The following GRHL1 variants were observed in gnomAD, a reference collection of about 807,000 sequenced individuals.
The protein encoded by GRHL1 is grainyhead-like protein 1 homolog.
GRHL1 carries 38 observed loss-of-function variants against 75.7 expected under a neutral mutation model. The ratio of observed to expected loss-of-function variants is 0.50; its 90% CI spans 0.39 to 0.66. GRHL1 has a LOEUF of 0.66. Among genes scored for constraint, GRHL1 ranks in the 30% least tolerant of loss-of-function variants. The probability of loss-of-function intolerance (pLI) is 0.00; values close to 1 mark genes in which losing one functional copy is unlikely to be tolerated. For synonymous variants in GRHL1, 266 were observed against 279.4 expected (o/e 0.95, Z 0.48); for missense variants, 589 against 767.5 (o/e 0.77, Z 2.75).
rs1395003546 is a variant in GRHL1, at chr2:9,992,398, C to G, written c.1461+252C>G. The stretch of plus-strand genomic sequence containing the variant: ...TTCATTCATTCATTCGTTCGTTCTT[C>G]ATACCTACATATCCTAGCTCATTTA... On this transcript the variant is annotated intron_variant, in intron 11 of 15. Transcript: ENST00000324907. The surrounding 1 kb of genome is among the most constrained non-coding windows in gnomAD (Gnocchi z 4.6). Among the ~76,000 whole-genome samples the G allele has an allele frequency of 2.0e-5, 3 of 152,336 alleles. No individual in the cohort carries two copies. The highest frequency in any genetic ancestry group is 3.4e-3 in the Middle Eastern group (1 of 294).
At chr2:9,955,822 C>T (rs1328042168) in intron 2 of GRHL1, among the ~76,000 whole-genome samples, 1 of 152,246 alleles carries the variant, frequency 6.6e-6, no homozygotes, top group Non-Finnish European at 1.5e-5. Flanking sequence ...TCTAATGCAG[C>T]GTGCATACCG....
At chr2:9,980,616 C>T (rs564461072) in intron 8 of GRHL1, among the ~76,000 whole-genome samples, 2 of 152,274 alleles carry the variant, frequency 1.3e-5, no homozygotes, top group Admixed American at 6.5e-5. Context: ...AGTAGTTGCT[C>T]ATCTTTTGAG....
In GRHL1 at chr2:9,965,322, A is replaced by T; in HGVS notation, c.1051A>T (p.Ile351Phe). Residue 351 changes from isoleucine (I) to phenylalanine (F), a missense_variant, in exon 8 of 16, where the codon ATC becomes TTC. Ile to Phe is a conservative substitution (Grantham distance 21, BLOSUM62 0). This residue lies in a region of GRHL1 where 362 missense variants were observed against 461.8 expected (regional missense o/e 0.78). Coordinates refer to ENST00000324907, the MANE Select transcript of GRHL1 (RefSeq NM_198182.3). ...YKESFNTISN[I>F]EEIAYNAISF... ...AGAAAGCTTCAACACTATCAGTAAC[A>T]TCGAGGAGATTGCGTATAACGCCAT... 4 of 1,611,550 alleles carry T rather than the reference A, an allele frequency of 2.5e-6. No homozygotes were observed. Among genetic ancestry groups the T allele is most frequent in the Non-Finnish European group, 3.4e-6 (4 of 1,177,636 alleles).
intron 8 of GRHL1, among the ~76,000 whole-genome samples, chr2:9,969,260 G>A (rs370472737): frequency 6.6e-6 from 1 of 152,208 alleles, no homozygotes; most frequent in African/African-American, 2.4e-5. Context: ...TTGAATGCCT[G>A]TTATATGCTA....
intron 8 of GRHL1, among the ~76,000 whole-genome samples, 158 bp from the exon 9 acceptor site, chr2:9,985,964 CCT>C (rs2125235989): frequency 6.6e-6 from 1 of 152,248 alleles, no homozygotes; most frequent in East Asian, 1.9e-4. Flanking sequence ...AAAATAAACC[CCT>C]GATCACCTCT....
Position 9,998,481 on chromosome 2 carries a change from C to CGT in GRHL1, c.1678-484_1678-483insGT, listed in dbSNP as rs1553306830. On this transcript the variant is annotated intron_variant, in intron 14 of 15. Transcript: ENST00000324907. ...ATACATATATATACGTATATATATA[C>CGT]ATATATATACGTATATATACATATA... Among the ~76,000 whole-genome samples the CGT allele has an allele frequency of 5.9e-3, 21 of 3,556 alleles. 1 individual carries two copies. Among genetic ancestry groups the CGT allele is most frequent in the Non-Finnish European group, 7.8e-3 (17 of 2,174 alleles). 2.3% of individuals were successfully genotyped at this position (3,556 alleles called of 152,430 possible).
At chr2:9,977,970 C>T (rs1558304936) in intron 8 of GRHL1, among the ~76,000 whole-genome samples, 1 of 152,194 alleles carries the variant, frequency 6.6e-6, no homozygotes, top group Non-Finnish European at 1.5e-5. Context: ...AAGCCACGTC[C>T]TCCATGGCGG....
intron 2 of GRHL1, among the ~76,000 whole-genome samples, chr2:9,958,559 G>A (rs1667137030): frequency 6.6e-6 from 1 of 151,946 alleles, no homozygotes; most frequent in Admixed American, 6.6e-5. Context: ...AGTTTATTTG[G>A]CAACTCAATA....
rs1166078272 is a variant in GRHL1 at position 9,992,660 on chromosome 2, G to A, written c.1461+514G>A. ...CCTGTTTTGTGGCAAAGGCTTACAA[G>A]GGATAGAAACTTCAGTAGAATGAAG... is the stretch of plus-strand genomic sequence containing the variant. On this transcript the variant is annotated intron_variant, in intron 11 of 15. Transcript: ENST00000324907. This position sits in a 1 kb window ranked among gnomAD's most constrained non-coding sequence, Gnocchi z 4.6. Among the ~76,000 whole-genome samples, 4 of 152,182 alleles carry A rather than the reference G, an allele frequency of 2.6e-5. No homozygotes were observed. The highest frequency in any genetic ancestry group is 9.7e-5 in the African/African-American group (4 of 41,442).
In GRHL1 at chr2:9,961,064, G is replaced by A; in HGVS notation, c.297G>A (p.Val99=). Residue 99 remains valine, a synonymous_variant, in exon 4 of 16, where the codon GTG becomes GTA. Transcript: ENST00000324907. The part of the protein sequence containing the change: ...DHSKRNSIPI[V]TEQPLISAGE... ...CTTAAAGAAACAGCATACCAATTGT[G>A]ACAGAGCAGCCCCTCATCTCTGCTG... 1 of 1,549,788 alleles carries A rather than the reference G, an allele frequency of 6.5e-7. No homozygotes were observed. Among genetic ancestry groups the A allele is most frequent in the Middle Eastern group, 1.7e-4 (1 of 5,984 alleles).
In GRHL1 at chr2:9,963,998, G is replaced by T. The variant is rs757358139; in HGVS notation, c.859G>T (p.Val287Leu). 2.5e-6 allele frequency: 4 copies of T among 1,613,862 alleles called. No individual in the cohort carries two copies. Among genetic ancestry groups the T allele is most frequent in the Non-Finnish European group, 1.7e-6 (2 of 1,179,810 alleles). The change falls in exon 6 of 16, where the codon GTG becomes TTG. Residue 287 changes from valine to leucine, a missense_variant. Val to Leu is a conservative substitution (Grantham distance 32). Around this residue, in one of 5 missense-constraint regions of GRHL1, gnomAD observed 362 missense variants for 461.8 expected, o/e 0.78. Transcript: ENST00000324907. ...GTTCTATCCCATCACCTTGAAGGAG[G>T]TGAGCAGCAGTGAAGGAATCCATCA... The part of the protein sequence containing the change: ...GQFYPITLKE[V>L]SSSEGIHHPI...
chr2:9,976,936 T>C (rs1667971224), intron 8 of GRHL1, among the ~76,000 whole-genome samples: 1 of 152,230 alleles, frequency 6.6e-6, no homozygotes, highest in Non-Finnish European at 1.5e-5. Flanking sequence ...CTTTTTCACA[T>C]AGACTGTGGT....
intron 5 of GRHL1, 74 bp from the exon 6 acceptor site, chr2:9,963,812 C>T (rs1053349751): frequency 2.1e-6 from 2 of 966,714 alleles, no homozygotes; most frequent in African/African-American, 3.3e-5. Context: ...ATAGCAAATG[C>T]TATTTATAAT....
intron 2 of GRHL1, among the ~76,000 whole-genome samples, chr2:9,956,753 A>G (rs948173146): frequency 2.6e-5 from 4 of 152,214 alleles, no homozygotes; most frequent in African/African-American, 9.6e-5. Context: ...TTGACTTACT[A>G]TAAATTAAGT....
chr2:9,965,825 G>A (rs1046730071), intron 8 of GRHL1: 8 of 155,610 alleles, frequency 5.1e-5, no homozygotes, highest in Non-Finnish European at 4.3e-5. Flanking sequence ...TCATCACCTT[G>A]TAAATATGAC....
chr2:9,978,906 AC>A (rs1668069022), intron 8 of GRHL1, among the ~76,000 whole-genome samples: 1 of 151,950 alleles, frequency 6.6e-6, no homozygotes, highest in Admixed American at 6.6e-5. Flanking sequence ...CAGGAGAATC[AC>A]TTCAACCCGG....
chr2:9,998,270 G>T (rs1001990540), intron 14 of GRHL1, among the ~76,000 whole-genome samples: 3 of 151,572 alleles, frequency 2.0e-5, no homozygotes, highest in Admixed American at 6.6e-5. Context: ...TAGCCTCTAT[G>T]TCCCGAAAGG....
chr2:9,964,717 A>G (rs569677975), intron 7 of GRHL1: 49 of 184,140 alleles, frequency 2.7e-4, no homozygotes, highest in Middle Eastern at 2.4e-3. Flanking sequence ...AAGTAAAAGA[A>G]AGATATTGCT....
In GRHL1 at chr2:9,951,787, C is replaced by G; in HGVS notation, c.-47C>G. On this transcript the variant is annotated 5_prime_UTR_variant, in exon 1 of 16. Transcript: ENST00000324907. This position sits in a 1 kb window ranked among gnomAD's most constrained non-coding sequence, Gnocchi z 4.2. ...TCCCCCCGGATCGGGTGTACTGTCC[C>G]AACCCGAAAGTCCAGTTCTGCGGCC... is the stretch of plus-strand genomic sequence containing the variant. 1 of 1,513,922 alleles carries G rather than the reference C, an allele frequency of 6.6e-7. No individual in the cohort carries two copies. The highest frequency in any genetic ancestry group is 8.9e-7 in the Non-Finnish European group (1 of 1,127,926). The allele number at this position is 1,513,922 out of a possible 1,614,324, so 93.8% of individuals were successfully genotyped here. A position where few individuals can be genotyped will look rare whatever the true frequency, so the allele number is the denominator to read the frequency against.
Sources: allele counts gnomAD v4.1 joint callset (sites outside exome capture counted in the v4.1 genomes callset), GRCh38; gene constraint gnomAD v4.1.1; regional missense constraint gnomAD v4.1.1; non-coding constraint Gnocchi (gnomAD v3.1); transcripts MANE v1.5; gene names NCBI Gene and HGNC (gene_info 2026-07-23, HGNC 2026-07-21).